Variants in TAFA1 observed in about 807,000 individuals in gnomAD.
TAFA1 encodes the protein TAFA chemokine like family member 1.
A neutral mutation model predicts 18.5 loss-of-function variants in TAFA1; 4 were observed. The ratio of observed to expected loss-of-function variants is 0.22; its 90% CI spans 0.11 to 0.49. The LOEUF (loss-of-function observed/expected upper bound fraction) is 0.49. Among genes scored for constraint, TAFA1 ranks in the 20% least tolerant of loss-of-function variants. The probability of loss-of-function intolerance (pLI) is 0.98; values close to 1 mark genes in which losing one functional copy is unlikely to be tolerated. For synonymous variants in TAFA1, 56 were observed against 55.2 expected (o/e 1.01, Z -0.06); for missense variants, 147 against 169.0 (o/e 0.87, Z 0.72).
intron 2 of TAFA1, among the ~76,000 whole-genome samples, chr3:68,081,182 C>G (rs2064893992): frequency 6.6e-6 from 1 of 152,148 alleles, no homozygotes; most frequent in East Asian, 1.9e-4. Context: ...TTAAGCACTT[C>G]TTTGTATTGG....
rs193085452 is a variant in TAFA1, at chr3:68,320,058, T to C, written c.119-97222T>C. 3.6e-3 allele frequency among the ~76,000 whole-genome samples: 547 copies of C among 152,332 alleles called. 3 individuals are homozygous for C. Among genetic ancestry groups the C allele is most frequent in the Non-Finnish European group, 6.4e-3 (437 of 68,032 alleles). ...GTATGTTTACATATATATGGATATA[T>C]ATAATATTTACATTTAACCTTATTC... On this transcript the variant is annotated intron_variant, in intron 2 of 4. Coordinates refer to ENST00000478136, the MANE Select transcript of TAFA1 (RefSeq NM_213609.4).
At chr3:68,383,637 GT>G (rs2070028750) in intron 2 of TAFA1, among the ~76,000 whole-genome samples, 1 of 152,104 alleles carries the variant, frequency 6.6e-6, no homozygotes, top group South Asian at 2.1e-4. Context: ...TTGGCCTGAA[GT>G]TTTTTTGTTG....
rs781602807 is a variant in TAFA1, at chr3:68,051,141, G to A, written c.118+44397G>A. On this transcript the variant is annotated intron_variant, in intron 2 of 4. Coordinates refer to ENST00000478136, the MANE Select transcript of TAFA1 (RefSeq NM_213609.4). ...TAGGGATGATAAATATACCTGGCTC[G>A]TAGGGTTGTTGGAGGAGATGGACTG... Among the ~76,000 whole-genome samples, 13 of 152,090 alleles carry A rather than the reference G, an allele frequency of 8.5e-5. No homozygotes were observed. The South Asian group carries it at 1.2e-3, about 15-fold the overall frequency.
chr3:68,090,091 C>G (rs1476802065), intron 2 of TAFA1, among the ~76,000 whole-genome samples: 1 of 152,156 alleles, frequency 6.6e-6, no homozygotes, highest in Non-Finnish European at 1.5e-5. Context: ...ATGTGAAGAG[C>G]AACTAATGTT....
chr3:68,050,076 T>C (rs1239450925), intron 2 of TAFA1, among the ~76,000 whole-genome samples: 1 of 152,136 alleles, frequency 6.6e-6, no homozygotes, highest in African/African-American at 2.4e-5. Context: ...TTTTCTTGCC[T>C]GTAAAAATGG....
chr3:68,455,630 C>T lies in TAFA1; in HGVS notation c.259+38210C>T, dbSNP rs533972202. 4.6e-5 allele frequency among the ~76,000 whole-genome samples: 7 copies of T among 152,118 alleles called. No homozygotes were observed. In the South Asian group the frequency reaches 8.3e-4, roughly 18 times the overall value. ...TTAGCTCTTGAGTTTCTTCAAGATC[C>T]GTATCCTAAAACCCTTCATCCCCCA... On this transcript the variant is annotated intron_variant, in intron 3 of 4. Transcript: ENST00000478136.
chr3:68,393,878 C>A (rs1479812462), intron 2 of TAFA1, among the ~76,000 whole-genome samples: 1 of 152,096 alleles, frequency 6.6e-6, no homozygotes, highest in African/African-American at 2.4e-5. Flanking sequence ...ATAATAAGAG[C>A]TATTTATGAC....
At chr3:68,412,832 A>C (rs1216547080) in intron 2 of TAFA1, among the ~76,000 whole-genome samples, 1 of 152,114 alleles carries the variant, frequency 6.6e-6, no homozygotes, top group Non-Finnish European at 1.5e-5. Flanking sequence ...TGCCGCAATA[A>C]ACATACGTGT....
chr3:68,087,574 C>T (rs1350788031), intron 2 of TAFA1, among the ~76,000 whole-genome samples: 2 of 135,076 alleles, frequency 1.5e-5, no homozygotes, highest in Admixed American at 7.8e-5. Flanking sequence ...CTCCCTCCTT[C>T]CGTCCTTCCT....
At chr3:68,344,516 G>T (rs749094186) in intron 2 of TAFA1, among the ~76,000 whole-genome samples, 12 of 152,070 alleles carry the variant, frequency 7.9e-5, no homozygotes, top group Admixed American at 7.9e-4. Context: ...GACAGGCTTG[G>T]GTGTGAAATG....
intron 2 of TAFA1, among the ~76,000 whole-genome samples, chr3:68,331,658 A>G (rs1391640798): frequency 1.3e-5 from 2 of 152,148 alleles, no homozygotes; most frequent in Non-Finnish European, 2.9e-5. Flanking sequence ...CTGAATAGCT[A>G]AAGCAATCTT....
At chr3:68,392,068 T>C (rs551418638) in intron 2 of TAFA1, among the ~76,000 whole-genome samples, 289 of 150,640 alleles carry the variant, frequency 1.9e-3, no homozygotes, top group African/African-American at 6.8e-3. Flanking sequence ...GACTGGCAAA[T>C]TGGATAAAGA....
chr3:68,282,033 T>C (rs1324450479), intron 2 of TAFA1, among the ~76,000 whole-genome samples: 1 of 152,104 alleles, frequency 6.6e-6, no homozygotes, highest in Non-Finnish European at 1.5e-5. Flanking sequence ...GAAGCAAACA[T>C]GTCCTTCTTC....
At chr3:68,472,906 C>G (rs537916830) in intron 3 of TAFA1, among the ~76,000 whole-genome samples, 1 of 152,162 alleles carries the variant, frequency 6.6e-6, no homozygotes, top group South Asian at 2.1e-4. Context: ...AGAAGGCACT[C>G]TAGATATTTT....
intron 2 of TAFA1, among the ~76,000 whole-genome samples, chr3:68,031,574 G>T (rs973935789): frequency 6.6e-6 from 1 of 152,134 alleles, no homozygotes; most frequent in Admixed American, 6.5e-5. Context: ...GGAGATGGCC[G>T]GGAGAAAGAT....
intron 2 of TAFA1, among the ~76,000 whole-genome samples, chr3:68,221,547 G>T (rs897095388): frequency 1.3e-5 from 2 of 152,062 alleles, no homozygotes; most frequent in Non-Finnish European, 1.5e-5. Flanking sequence ...TCCCAATATT[G>T]TTTCTGTTCC....
At chr3:68,439,352 A>G (rs951346049) in intron 3 of TAFA1, among the ~76,000 whole-genome samples, 1 of 146,148 alleles carries the variant, frequency 6.8e-6, no homozygotes, top group Non-Finnish European at 1.5e-5. Flanking sequence ...TTGGCCTTCT[A>G]CAAAGCTGTA....
intron 2 of TAFA1, among the ~76,000 whole-genome samples, chr3:68,089,058 G>C (rs1023994928): frequency 6.6e-6 from 1 of 152,076 alleles, no homozygotes; most frequent in African/African-American, 2.4e-5. Context: ...GAGGATGAGT[G>C]GGGGAGGAGA....
At chr3:68,052,877 G>T (rs2064489299) in intron 2 of TAFA1, among the ~76,000 whole-genome samples, 1 of 152,164 alleles carries the variant, frequency 6.6e-6, no homozygotes, top group Non-Finnish European at 1.5e-5. Flanking sequence ...AACAGGAAGA[G>T]TTTATAATTG....
Sources: allele counts gnomAD v4.1 joint callset (sites outside exome capture counted in the v4.1 genomes callset), GRCh38; gene constraint gnomAD v4.1.1; transcripts MANE v1.5; gene names NCBI Gene and HGNC (gene_info 2026-07-23, HGNC 2026-07-21).